Variants in NFIA observed in about 807,000 individuals in gnomAD.
NFIA encodes the protein nuclear factor 1 A-type.
Under a neutral mutation model 62.8 loss-of-function variants are expected in NFIA, and 8 were observed. The ratio of observed to expected loss-of-function variants is 0.13; its 90% CI spans 0.07 to 0.23. NFIA has a LOEUF of 0.23. Ranked by LOEUF, NFIA falls within the 10% of genes least tolerant of loss-of-function variation. The probability of loss-of-function intolerance (pLI) is 1.00; values close to 1 mark genes in which losing one functional copy is unlikely to be tolerated. For synonymous variants in NFIA, 235 were observed against 238.1 expected, an observed-to-expected ratio of 0.99 and a Z score of 0.12; for missense variants, 410 against 642.1, an observed-to-expected ratio of 0.64 and a Z score of 3.91.
chr1:61,086,753 C>G (rs1272835223), intron 1 of NFIA, among the ~76,000 whole-genome samples: 1 of 152,040 alleles, frequency 6.6e-6, no homozygotes, highest in Non-Finnish European at 1.5e-5. Context: ...CTTATCAGTT[C>G]ACATTTGAAC....
Position 61,406,543 on chromosome 1 carries a change from GCCCCC to G in NFIA, c.1255-9_1255-5del. ...TCTTTTTCTTGTACGTGTGTTTTCTGCCCCCCCCCCCCCCACAGCCCAATGGGAGC... is the reference window on the plus strand; with the variant it reads ...TCTTTTTCTTGTACGTGTGTTTTCTGCCCCCCCCCACAGCCCAATGGGAGC... On this transcript the variant is annotated splice_polypyrimidine_tract_variant and intron_variant, in intron 8 of 10. Coordinates refer to ENST00000403491, the MANE Select transcript of NFIA (RefSeq NM_001134673.4). 134 of 876,194 alleles carry G rather than the reference GCCCCC, an allele frequency of 1.5e-4. No individual in the cohort carries two copies. Among genetic ancestry groups the G allele is most frequent in the Middle Eastern group, 3.1e-4 (1 of 3,236 alleles). The allele number at this position is 876,194 out of a possible 1,614,324, so 54.3% of individuals were successfully genotyped here. A position where few individuals can be genotyped will look rare whatever the true frequency, so the allele number is the denominator to read the frequency against.
chr1:61,433,550 T>TCACACA (rs57237214), intron 10 of NFIA, among the ~76,000 whole-genome samples: 2 of 150,634 alleles, frequency 1.3e-5, no homozygotes, highest in African/African-American at 4.9e-5. Context: ...GTATATATAC[T>TCACACA]CACACACACA....
chr1:61,175,763 AGT>A (rs1397667866), intron 2 of NFIA, among the ~76,000 whole-genome samples: 1 of 152,226 alleles, frequency 6.6e-6, no homozygotes, highest in African/African-American at 2.4e-5. Context: ...GCCTTCTGCA[AGT>A]GTCTCTTTCC....
At chr1:61,129,124 G>A (rs1477694223) in intron 2 of NFIA, among the ~76,000 whole-genome samples, 2 of 151,424 alleles carry the variant, frequency 1.3e-5, no homozygotes, top group African/African-American at 4.9e-5. Context: ...GGGTTTCACC[G>A]TGTTAGCCAG....
intron 2 of NFIA, among the ~76,000 whole-genome samples, chr1:61,192,200 C>T (rs529951363): frequency 1.1e-3 from 163 of 152,218 alleles, no homozygotes; most frequent in African/African-American, 3.8e-3. Context: ...CCTTGTAATC[C>T]GCCCGCCTTG....
chr1:61,082,043 C>G (rs1437500919), upstream of NFIA: 7 of 1,548,172 alleles, frequency 4.5e-6, no homozygotes, highest in Admixed American at 5.9e-5. Context: ...AAGTCCTCCA[C>G]CGAGGTCCGC....
chr1:61,451,895 G>A (rs1668074477), intron 10 of NFIA, among the ~76,000 whole-genome samples: 1 of 152,138 alleles, frequency 6.6e-6, no homozygotes, highest in South Asian at 2.1e-4. Flanking sequence ...AAATGTCTGA[G>A]GATAGTTTTT....
chr1:61,438,420 C>G (rs1157945798), intron 10 of NFIA, among the ~76,000 whole-genome samples: 1 of 152,088 alleles, frequency 6.6e-6, no homozygotes, highest in African/African-American at 2.4e-5. Flanking sequence ...GGCCTGTGAC[C>G]ACAAAGAAGA....
rs554324792 is a variant in NFIA, at chr1:61,416,480, G to T, written c.1420+9753G>T. ...TTTTCCCCCTCACAGAGAGCATGGG[G>T]TTCAGTGTAAGGTGAGCATTTTCAT... On this transcript the variant is annotated intron_variant, in intron 9 of 10. Transcript: ENST00000403491. Among the ~76,000 whole-genome samples the T allele has an allele frequency of 1.6e-4, 25 of 152,188 alleles. No homozygotes were observed. In the South Asian group the frequency reaches 4.8e-3, roughly 29 times the overall value.
intron 2 of NFIA, among the ~76,000 whole-genome samples, chr1:61,093,489 A>G (rs1214087882): frequency 1.3e-5 from 2 of 152,208 alleles, no homozygotes; most frequent in Non-Finnish European, 2.9e-5. Flanking sequence ...TTATTGATAT[A>G]TGGCATATTT....
intron 3 of NFIA, among the ~76,000 whole-genome samples, chr1:61,283,074 T>C (rs1465571450): frequency 6.6e-6 from 1 of 152,240 alleles, no homozygotes; most frequent in African/African-American, 2.4e-5. Context: ...TGGTTGAATC[T>C]ACCTTTCATG....
In NFIA at chr1:61,406,543, G is replaced by GGGGGGGCC; in HGVS notation, c.1255-19_1255-18insGGGGGGCC. 2.3e-6 allele frequency: 2 copies of GGGGGGGCC among 876,654 alleles called. No homozygotes were observed. Among genetic ancestry groups the GGGGGGGCC allele is most frequent in the Non-Finnish European group, 3.1e-6 (2 of 653,744 alleles). The allele number at this position is 876,654 out of a possible 1,614,324, so 54.3% of individuals were successfully genotyped here. A position where few individuals can be genotyped will look rare whatever the true frequency, so the allele number is the denominator to read the frequency against. On this transcript the variant is annotated intron_variant, in intron 8 of 10. Coordinates refer to ENST00000403491, the MANE Select transcript of NFIA (RefSeq NM_001134673.4). ...TCTTTTTCTTGTACGTGTGTTTTCT[G>GGGGGGGCC]CCCCCCCCCCCCCCACAGCCCAATG...
chr1:61,260,802 G>C (rs562547410), intron 2 of NFIA, among the ~76,000 whole-genome samples: 2 of 152,058 alleles, frequency 1.3e-5, no homozygotes, highest in African/African-American at 4.8e-5. Context: ...GGATGGTCTC[G>C]ATCTCCTGAC....
At chr1:61,193,936 C>A (rs1651819940) in intron 2 of NFIA, among the ~76,000 whole-genome samples, 1 of 152,142 alleles carries the variant, frequency 6.6e-6, no homozygotes, top group African/African-American at 2.4e-5. Context: ...CTACATACAT[C>A]CAGAGTCAAC....
At chr1:61,290,127 A>G (rs1249593518) in intron 3 of NFIA, among the ~76,000 whole-genome samples, 1 of 150,238 alleles carries the variant, frequency 6.7e-6, no homozygotes, top group Non-Finnish European at 1.5e-5. Flanking sequence ...AGTATATGGT[A>G]CTTTAATAGA....
Position 61,455,431 on chromosome 1 carries a change from G to C in NFIA, c.*111G>C, listed in dbSNP as rs1208814066. 3 of 1,570,450 alleles carry C rather than the reference G, an allele frequency of 1.9e-6. No individual in the cohort carries two copies. Among genetic ancestry groups the C allele is most frequent in the African/African-American group, 2.7e-5 (2 of 73,566 alleles). ...GTTACAACTTCACTATCAGCGGAAG[G>C]GGAGAAAAACCGATTCAAATCAACT... On this transcript the variant is annotated 3_prime_UTR_variant, in exon 11 of 11. Transcript: ENST00000403491.
At chr1:61,311,148 T>G (rs1660090220) in intron 3 of NFIA, among the ~76,000 whole-genome samples, 1 of 152,092 alleles carries the variant, frequency 6.6e-6, no homozygotes, top group South Asian at 2.1e-4. Flanking sequence ...TCCCAACACT[T>G]TGGGAGGCCA....
intron 6 of NFIA, among the ~76,000 whole-genome samples, chr1:61,360,265 T>TG (rs1663215561): frequency 6.6e-6 from 1 of 152,048 alleles, no homozygotes; most frequent in Non-Finnish European, 1.5e-5. Context: ...GTCTAACACG[T>TG]GGTTTAGAGG....
intron 4 of NFIA, among the ~76,000 whole-genome samples, chr1:61,340,139 C>G (rs1003522043): frequency 6.6e-6 from 1 of 152,178 alleles, no homozygotes; most frequent in African/African-American, 2.4e-5. Context: ...TCAGCTGAAG[C>G]TTCTGATAAA....
Sources: allele counts gnomAD v4.1 joint callset (sites outside exome capture counted in the v4.1 genomes callset), GRCh38; gene constraint gnomAD v4.1.1; transcripts MANE v1.5; gene names NCBI Gene and HGNC (gene_info 2026-07-23, HGNC 2026-07-21).